Variants in UTRN observed in about 807,000 individuals in gnomAD.
The protein encoded by UTRN is dystrophin-related protein 1.
A neutral mutation model predicts 463.9 loss-of-function variants in UTRN; 283 were observed. The observed-to-expected ratio is 0.61, with a 90% CI of 0.55 to 0.67. The LOEUF (loss-of-function observed/expected upper bound fraction) is 0.67, where lower values mean the gene tolerates loss of function less well. Among genes scored for constraint, UTRN ranks in the 30% least tolerant of loss-of-function variants. UTRN has a pLI of 0.00. For missense variants in UTRN, 3,922 were observed against 4,084.3 expected, an observed-to-expected ratio of 0.96 and a Z score of 1.08; for synonymous variants, 1,442 against 1,431.5, an observed-to-expected ratio of 1.01 and a Z score of -0.17.
chr6:144,678,367 C>T (rs1211292646), intron 51 of UTRN, 39 bp from the exon 52 acceptor site: 2 of 1,584,708 alleles, frequency 1.3e-6, no homozygotes, highest in African/African-American at 2.7e-5. Context: ...TATACTGATT[C>T]CTAACACTTG....
intron 51 of UTRN, chr6:144,660,248 A>C (rs1024738113): frequency 6.4e-6 from 3 of 471,234 alleles, no homozygotes; most frequent in South Asian, 4.6e-5. Flanking sequence ...ACTTCAACTT[A>C]CGGGAACTGC....
chr6:144,685,741 C>T (rs35803686), intron 52 of UTRN, among the ~76,000 whole-genome samples: 15,310 of 151,940 alleles, frequency 0.1, 1,002 homozygotes, highest in South Asian at 0.19. Context: ...ATTTGAGTTC[C>T]TTGTAGATTC....
At chr6:144,586,685 C>T (rs558056261) in intron 51 of UTRN, among the ~76,000 whole-genome samples, 1 of 152,012 alleles carries the variant, frequency 6.6e-6, no homozygotes, top group South Asian at 2.1e-4. Context: ...GTAAGTCCTC[C>T]TTATTTTTTT....
Position 144,580,213 on chromosome 6 carries a change from G to GGTGGTGGCA in UTRN, c.7479+2933_7479+2941dup, listed in dbSNP as rs548794632. Among the ~76,000 whole-genome samples the GGTGGTGGCA allele has an allele frequency of 1.0e-3, 131 of 126,420 alleles. 1 individual carries two copies. Among genetic ancestry groups the GGTGGTGGCA allele is most frequent in the African/African-American group, 4.1e-3 (121 of 29,168 alleles). The allele number at this position is 126,420 out of a possible 152,430, so 82.9% of individuals were successfully genotyped here. ...CATAACAGAAAAGTTCTGGTGGCATGGTGGTGGCAGTGGTGGTGGTGGTGC... is the reference window on the plus strand; with the variant it reads ...CATAACAGAAAAGTTCTGGTGGCATGGTGGTGGCAGTGGTGGCAGTGGTGGTGGTGGTGC... On this transcript the variant is annotated intron_variant, in intron 51 of 74. Coordinates refer to ENST00000367545, the MANE Select transcript of UTRN (RefSeq NM_007124.3).
chr6:144,367,108 A>G (rs1212169079), intron 2 of UTRN, among the ~76,000 whole-genome samples: 1 of 152,004 alleles, frequency 6.6e-6, no homozygotes, highest in Non-Finnish European at 1.5e-5. Context: ...CTCAGTGTCC[A>G]GAGTAGCTGG....
intron 50 of UTRN, among the ~76,000 whole-genome samples, chr6:144,569,025 TTATGA>T (rs1800684851): frequency 6.6e-6 from 1 of 152,116 alleles, no homozygotes; most frequent in Non-Finnish European, 1.5e-5. Context: ...TTTTATTGAC[TTATGA>T]TATTATGATA....
Position 144,453,801 on chromosome 6 carries a change from G to A in UTRN, c.2216G>A (p.Arg739Lys), listed in dbSNP as rs1356494292. Residue 739 changes from arginine (R) to lysine (K), a missense_variant, in exon 19 of 75, where the codon AGA (arginine) becomes AAA (lysine). By Grantham distance (26) the Arg-to-Lys change is conservative (BLOSUM62 2). Coordinates refer to ENST00000367545, the MANE Select transcript of UTRN (RefSeq NM_007124.3). ...TTGCAGGCATTAGAAAAAGAACAGA[G>A]AGAAAGAATCCCCAGAGCAGATGAA... ...KKLKALEKEQ[R>K]ERIPRADELN... 6.2e-7 allele frequency: 1 copy of A among 1,613,126 alleles called. No homozygotes were observed. The highest frequency in any genetic ancestry group is 8.5e-7 in the Non-Finnish European group (1 of 1,179,580).
chr6:144,569,505 A>G (rs924326079), intron 50 of UTRN, among the ~76,000 whole-genome samples: 1 of 152,194 alleles, frequency 6.6e-6, no homozygotes, highest in Non-Finnish European at 1.5e-5. Flanking sequence ...CTGAGTATTC[A>G]CTATATCTTG....
intron 2 of UTRN, among the ~76,000 whole-genome samples, chr6:144,381,436 G>A (rs1455241548): frequency 6.6e-6 from 1 of 152,154 alleles, no homozygotes; most frequent in Non-Finnish European, 1.5e-5. Context: ...TGGGCATTTA[G>A]GTTGATTCAA....
At chr6:144,577,365 C>A in intron 51 of UTRN, 77 bp downstream of exon 51, 2 of 1,456,712 alleles carry the variant, frequency 1.4e-6, no homozygotes, top group Non-Finnish European at 9.4e-7. Flanking sequence ...AAATGTGTTA[C>A]CCTTAAAAGG....
chr6:144,433,387 G>C (rs1368290276), intron 9 of UTRN, among the ~76,000 whole-genome samples: 1 of 149,230 alleles, frequency 6.7e-6, no homozygotes, highest in Admixed American at 6.7e-5. Flanking sequence ...CCTCCCGGAC[G>C]GGGTGGCTGC....
chr6:144,374,211 A>T (rs2114719428), intron 2 of UTRN, among the ~76,000 whole-genome samples: 1 of 152,330 alleles, frequency 6.6e-6, no homozygotes, highest in Middle Eastern at 3.4e-3. Flanking sequence ...AGTTTAGTTC[A>T]TGGAATAAGG....
Position 144,428,765 on chromosome 6 carries a change from G to T in UTRN, c.579-13G>T, listed in dbSNP as rs1380956207. 1.3e-6 allele frequency: 2 copies of T among 1,484,542 alleles called. No homozygotes were observed. Among genetic ancestry groups the T allele is most frequent in the Admixed American group, 2.0e-5 (1 of 50,170 alleles). 92.0% of individuals were successfully genotyped at this position (1,484,542 alleles called of 1,614,324 possible). On this transcript the variant is annotated splice_polypyrimidine_tract_variant and intron_variant, in intron 7 of 74. Coordinates refer to ENST00000367545, the MANE Select transcript of UTRN (RefSeq NM_007124.3). ...ATTTCATCTTCATTGCATTTTATTT[G>T]CATGGTTTTCAGACCTGATCTCTTC...
At chr6:144,756,284 C>T (rs1791976839) in intron 57 of UTRN, among the ~76,000 whole-genome samples, 1 of 152,114 alleles carries the variant, frequency 6.6e-6, no homozygotes, top group South Asian at 2.1e-4. Flanking sequence ...TATCAGTTAT[C>T]TTTAATATTG....
At chr6:144,377,294 C>T (rs569394331) in intron 2 of UTRN, among the ~76,000 whole-genome samples, 3 of 152,182 alleles carry the variant, frequency 2.0e-5, no homozygotes, top group Non-Finnish European at 2.9e-5. Flanking sequence ...GCCTCAGCCT[C>T]CCAAAGTGCT....
chr6:144,746,683 G>A (rs1376874945), intron 54 of UTRN, among the ~76,000 whole-genome samples: 1 of 151,808 alleles, frequency 6.6e-6, no homozygotes, highest in African/African-American at 2.4e-5. Flanking sequence ...CGCCATGTTG[G>A]CCAGGCTGGT....
chr6:144,790,141 G>A (rs1776638601), intron 62 of UTRN, among the ~76,000 whole-genome samples: 1 of 152,188 alleles, frequency 6.6e-6, no homozygotes, highest in South Asian at 2.1e-4. Flanking sequence ...AAGGTACCTA[G>A]AAATAGCAGT....
intron 69 of UTRN, among the ~76,000 whole-genome samples, chr6:144,833,324 C>T (rs1780828573): frequency 6.6e-6 from 1 of 152,162 alleles, no homozygotes. Flanking sequence ...GTAGATATTG[C>T]TCCATTGTCT....
intron 35 of UTRN, 78 bp from the exon 36 acceptor site, chr6:144,513,831 G>T: frequency 1.3e-6 from 2 of 1,500,994 alleles, no homozygotes; most frequent in Non-Finnish European, 1.8e-6. Context: ...CTCTTTGAAG[G>T]TCTTTTAAAT....
Sources: gnomAD v4.1 joint callset for allele counts (sites outside exome capture counted in the v4.1 genomes callset) on GRCh38, gnomAD v4.1.1 for gene constraint, MANE v1.5 for transcripts, NCBI Gene and HGNC (gene_info 2026-07-23, HGNC 2026-07-21) for gene names.